The following NETO1 variants were observed in gnomAD, a reference collection of about 807,000 sequenced individuals.
NETO1 encodes neuropilin and tolloid like 1.
In NETO1, 26 loss-of-function variants were observed where a neutral mutation model predicts 61.3. That is an observed-to-expected ratio of 0.42 (90% CI 0.31 to 0.59). The LOEUF (loss-of-function observed/expected upper bound fraction) is 0.59, where lower values mean the gene tolerates loss of function less well. Among genes scored for constraint, NETO1 ranks in the 20% least tolerant of loss-of-function variants. The pLI is 0.12. For synonymous variants in NETO1, 225 were observed against 225.8 expected (o/e 1.00, Z 0.03); for missense variants, 531 against 662.8 (o/e 0.80, Z 2.18).
At chr18:72,866,669 G>A (rs1381211100) in intron 1 of NETO1, 39 of 956,164 alleles carry the variant, frequency 4.1e-5, no homozygotes, top group Non-Finnish European at 4.9e-5. Flanking sequence ...TTCTTATACT[G>A]CCTTTTACTC....
At chr18:72,782,767 G>A (rs771915096) in intron 7 of NETO1, among the ~76,000 whole-genome samples, 1 of 151,944 alleles carries the variant, frequency 6.6e-6, no homozygotes, top group Non-Finnish European at 1.5e-5. Context: ...TCGCACCGTC[G>A]CACTCCAGCC....
Position 72,857,352 on chromosome 18 carries a change from T to A in NETO1, c.469+1474A>T, listed in dbSNP as rs2074438177. ...AAACCCAGGGAACAAAAAGGTTTTTTAAAACCTAGAAGAACAGATTGGGTG... is the reference window on the plus strand; with the variant it reads ...AAACCCAGGGAACAAAAAGGTTTTTAAAAACCTAGAAGAACAGATTGGGTG... On this transcript the variant is annotated intron_variant, in intron 4 of 10. Coordinates refer to ENST00000327305, the MANE Select transcript of NETO1 (RefSeq NM_138966.5). 1.3e-5 allele frequency among the ~76,000 whole-genome samples: 2 copies of A among 152,318 alleles called. 1 individual carries two copies. The highest frequency in any genetic ancestry group is 6.8e-3 in the Middle Eastern group (2 of 294).
At position 72,750,154 on chromosome 18, in the gene NETO1, C is replaced by G. The variant is rs547454811; in HGVS notation, c.1449G>C (p.Ser483=). 6.2e-7 allele frequency: 1 copy of G among 1,613,756 alleles called. No individual in the cohort carries two copies. Among genetic ancestry groups the G allele is most frequent in the Non-Finnish European group, 8.5e-7 (1 of 1,179,956 alleles). Residue 483 remains serine (S), a synonymous_variant, in exon 9 of 11, where the codon TCG becomes TCC. Coordinates refer to ENST00000327305, the MANE Select transcript of NETO1 (RefSeq NM_138966.5). ...RNILVMKHSY[S]QDAADACDID... is the part of the protein sequence containing the mutation. The stretch of plus-strand genomic sequence containing the variant: ...TGTCACAGGCATCTGCAGCATCTTG[C>G]GAGTAGCTGTGTTTCATGACAAGGA...
intron 1 of NETO1, chr18:72,865,447 G>C: frequency 1.3e-5 from 16 of 1,243,532 alleles, no homozygotes; most frequent in Non-Finnish European, 1.8e-5. Flanking sequence ...ACTAATGCAA[G>C]TTAAGAATGG....
chr18:72,848,913 CTGTG>C (rs2074169517), intron 4 of NETO1, among the ~76,000 whole-genome samples: 1 of 152,166 alleles, frequency 6.6e-6, no homozygotes, highest in African/African-American at 2.4e-5. Flanking sequence ...TGTGTGTCTC[CTGTG>C]TATGTCCTCA....
intron 4 of NETO1, among the ~76,000 whole-genome samples, chr18:72,809,512 G>C (rs960125158): frequency 6.6e-6 from 1 of 152,158 alleles, no homozygotes; most frequent in Non-Finnish European, 1.5e-5. Context: ...CTAGTTAATA[G>C]AGTGGATATG....
intron 4 of NETO1, among the ~76,000 whole-genome samples, chr18:72,832,974 G>A (rs1675584085): frequency 1.3e-5 from 2 of 152,200 alleles, no homozygotes; most frequent in South Asian, 4.1e-4. Context: ...AGAAGGCTAT[G>A]TAAATGTCTC....
intron 4 of NETO1, among the ~76,000 whole-genome samples, chr18:72,851,106 G>A (rs1213131765): frequency 6.6e-6 from 1 of 152,162 alleles, no homozygotes; most frequent in African/African-American, 2.4e-5. Flanking sequence ...GGGTGTTAGG[G>A]AGCAGGAAAA....
chr18:72,813,731 A>T (rs1380611843), intron 4 of NETO1, among the ~76,000 whole-genome samples: 1 of 152,220 alleles, frequency 6.6e-6, no homozygotes, highest in Non-Finnish European at 1.5e-5. Context: ...AGAAATTTCC[A>T]GTGCATTGCA....
chr18:72,812,910 CTACCAATTCAATTTTTGAGGA>C (rs1404838485), intron 4 of NETO1, among the ~76,000 whole-genome samples: 1 of 152,148 alleles, frequency 6.6e-6, no homozygotes, highest in Admixed American at 6.5e-5. Flanking sequence ...TTGTGTATAA[CTACCAATTCAATTTTTGAGGA>C]TTTACTTTAA....
At chr18:72,839,164 G>A (rs73966684) in intron 4 of NETO1, among the ~76,000 whole-genome samples, 3,268 of 152,058 alleles carry the variant, frequency 0.021, 96 homozygotes, top group East Asian at 0.095. Flanking sequence ...TTAAGAACTG[G>A]GTATCAAGGA....
At chr18:72,823,882 ACT>A (rs1302152224) in intron 4 of NETO1, among the ~76,000 whole-genome samples, 1 of 151,908 alleles carries the variant, frequency 6.6e-6, no homozygotes, top group African/African-American at 2.4e-5. Context: ...TCAAATATCT[ACT>A]CTCTGCCCCT....
At chr18:72,820,659 T>C (rs1165967539) in intron 4 of NETO1, among the ~76,000 whole-genome samples, 2 of 152,166 alleles carry the variant, frequency 1.3e-5, no homozygotes, top group African/African-American at 4.8e-5. Flanking sequence ...AATTAGTGGG[T>C]TCAGTGAAGC....
chr18:72,841,331 A>T (rs2073923454), intron 4 of NETO1, among the ~76,000 whole-genome samples: 1 of 152,074 alleles, frequency 6.6e-6, no homozygotes, highest in African/African-American at 2.4e-5. Flanking sequence ...TGAGAGAAGA[A>T]GCTGCACAGG....
intron 4 of NETO1, among the ~76,000 whole-genome samples, chr18:72,821,324 C>T (rs893379609): frequency 2.7e-5 from 4 of 150,112 alleles, no homozygotes; most frequent in African/African-American, 9.8e-5. Flanking sequence ...GGGCGGATCA[C>T]CTGAGGTCGG....
intron 4 of NETO1, among the ~76,000 whole-genome samples, chr18:72,821,674 A>G (rs907759678): frequency 1.3e-5 from 2 of 151,952 alleles, no homozygotes; most frequent in Non-Finnish European, 2.9e-5. Context: ...TCAAAACAAT[A>G]CTCATTGCAT....
chr18:72,767,213 G>C (rs1039971089), intron 7 of NETO1, among the ~76,000 whole-genome samples: 3 of 152,162 alleles, frequency 2.0e-5, no homozygotes, highest in African/African-American at 7.2e-5. Context: ...CTAGTTCAGA[G>C]GCTATCAATT....
rs1599201325 is a variant in NETO1, at chr18:72,865,792, A to G, written c.29-551T>C. On this transcript the variant is annotated intron_variant, in intron 1 of 10. Transcript: ENST00000327305. ...TTAATGTGGATTGTGGGCATTAAGC[A>G]CCATTATTGGAATGTTGCCTACAAA... 1.0e-5 allele frequency: 12 copies of G among 1,160,120 alleles called. No homozygotes were observed. The South Asian group carries it at 1.9e-4, about 18-fold the overall frequency. The allele number at this position is 1,160,120 out of a possible 1,614,324, so 71.9% of individuals were successfully genotyped here.
intron 7 of NETO1, among the ~76,000 whole-genome samples, chr18:72,757,286 G>A (rs2070815416): frequency 6.6e-6 from 1 of 151,864 alleles, no homozygotes; most frequent in Non-Finnish European, 1.5e-5. Context: ...ATAAGTTTTA[G>A]AGTTAGCTTC....
Sources: gnomAD v4.1 joint callset for allele counts (sites outside exome capture counted in the v4.1 genomes callset) on GRCh38, gnomAD v4.1.1 for gene constraint, MANE v1.5 for transcripts, NCBI Gene and HGNC (gene_info 2026-07-23, HGNC 2026-07-21) for gene names.